ANKS1B: variants seen among roughly 807,000 people sequenced by gnomAD.
The protein encoded by ANKS1B is ankyrin repeat and sterile alpha motif domain-containing protein 1B.
A neutral mutation model predicts 148.3 loss-of-function variants in ANKS1B; 36 were observed. The observed-to-expected ratio is 0.24, with a 90% confidence interval of 0.19 to 0.32. ANKS1B has a LOEUF of 0.32. Among genes scored for constraint, ANKS1B ranks in the 10% least tolerant of loss-of-function variants. The pLI, the probability that ANKS1B is intolerant of heterozygous loss-of-function variation, is 1.00. For missense variants in ANKS1B, 1,157 were observed against 1,542.6 expected, an observed-to-expected ratio of 0.75 and a Z score of 4.19; for synonymous variants, 542 against 560.8, an observed-to-expected ratio of 0.97 and a Z score of 0.47.
chr12:99,980,116 T>C (rs1222800004), intron 1 of ANKS1B, among the ~76,000 whole-genome samples: 1 of 151,648 alleles, frequency 6.6e-6, no homozygotes, highest in Non-Finnish European at 1.5e-5. Flanking sequence ...ATCAACACTT[T>C]TAAAAGTACC....
chr12:99,915,108 C>G (rs1183347843), intron 1 of ANKS1B, among the ~76,000 whole-genome samples: 1 of 151,868 alleles, frequency 6.6e-6, no homozygotes, highest in Non-Finnish European at 1.5e-5. Context: ...GCCTGTAATC[C>G]TAGCTACTTG....
chr12:99,913,394 A>C (rs2153789077), intron 1 of ANKS1B, among the ~76,000 whole-genome samples: 1 of 152,348 alleles, frequency 6.6e-6, no homozygotes, highest in Non-Finnish European at 1.5e-5. Context: ...TAGTGAACAG[A>C]CATTTCCTCT....
intron 9 of ANKS1B, among the ~76,000 whole-genome samples, chr12:99,635,668 T>G (rs903937780): frequency 2.6e-5 from 4 of 152,138 alleles, no homozygotes; most frequent in Admixed American, 6.5e-5. Flanking sequence ...AAAAAAACTT[T>G]GGAGACTGAT....
chr12:98,823,357 G>A lies in ANKS1B; in HGVS notation c.3066+5817C>T, dbSNP rs994577499. 3.9e-5 allele frequency among the ~76,000 whole-genome samples: 6 copies of A among 152,190 alleles called. No individual in the cohort carries two copies. The East Asian group carries it at 9.6e-4, about 24-fold the overall frequency. On this transcript the variant is annotated intron_variant, in intron 19 of 26. Coordinates refer to ENST00000683438, the MANE Select transcript of ANKS1B (RefSeq NM_001352186.2). ...TCATGGAAGGAAATGTTGAAATCAT[G>A]GACAAGCTGAGCCTTTCTGAGTAGT...
intron 1 of ANKS1B, among the ~76,000 whole-genome samples, chr12:99,880,643 A>G (rs1015764526): frequency 6.6e-6 from 1 of 152,242 alleles, no homozygotes; most frequent in Non-Finnish European, 1.5e-5. Context: ...CATAATGAGT[A>G]AAGGACATAA....
At chr12:98,992,356 A>G (rs2099927118) in intron 17 of ANKS1B, among the ~76,000 whole-genome samples, 1 of 152,022 alleles carries the variant, frequency 6.6e-6, no homozygotes, top group Admixed American at 6.6e-5. Context: ...TCTCATCTCA[A>G]ATTTTAATCC....
chr12:99,132,542 G>C (rs944380455), intron 15 of ANKS1B, among the ~76,000 whole-genome samples: 10 of 151,918 alleles, frequency 6.6e-5, no homozygotes, highest in Non-Finnish European at 2.9e-5. Context: ...GATTACGTTA[G>C]GTATAAAACT....
chr12:99,700,516 T>G (rs1196479232), intron 8 of ANKS1B, among the ~76,000 whole-genome samples: 1 of 152,118 alleles, frequency 6.6e-6, no homozygotes, highest in Non-Finnish European at 1.5e-5. Flanking sequence ...CGAGCACGAA[T>G]TTTTTTTCCT....
At chr12:98,762,956 A>G (rs1354281143) in intron 25 of ANKS1B, among the ~76,000 whole-genome samples, 2 of 152,232 alleles carry the variant, frequency 1.3e-5, no homozygotes, top group Admixed American at 1.3e-4. Flanking sequence ...GGGAACTTGC[A>G]CCTTAAGGTT....
chr12:99,135,883 C>T (rs942359142), intron 15 of ANKS1B, among the ~76,000 whole-genome samples: 1 of 152,056 alleles, frequency 6.6e-6, no homozygotes, highest in East Asian at 1.9e-4. Flanking sequence ...AGAACAGGTC[C>T]AGCTTCGGAC....
At chr12:99,945,091 T>G (rs539833866) in intron 1 of ANKS1B, among the ~76,000 whole-genome samples, 63 of 152,284 alleles carry the variant, frequency 4.1e-4, no homozygotes, top group African/African-American at 1.3e-3. Context: ...AGGGTTTACA[T>G]TCCAGTTGGG....
intron 9 of ANKS1B, among the ~76,000 whole-genome samples, chr12:99,595,533 T>C (rs2097750512): frequency 6.6e-6 from 1 of 151,950 alleles, no homozygotes; most frequent in South Asian, 2.1e-4. Context: ...ATCTTATTAG[T>C]ATTAGTATGT....
At position 99,091,204 on chromosome 12, in the gene ANKS1B, A is replaced by G. The variant is rs11109723; in HGVS notation, c.2527-6181T>C. On this transcript the variant is annotated intron_variant, in intron 15 of 26. Transcript: ENST00000683438. The stretch of plus-strand genomic sequence containing the variant: ...TAATAAATTATATCTTAAGGTTAAG[A>G]TATAGTTTAGCATTATATATTTAAC... Among the ~76,000 whole-genome samples, 979 of 152,246 alleles carry G rather than the reference A, an allele frequency of 6.4e-3. 15 individuals carry two copies. Among genetic ancestry groups the G allele is most frequent in the African/African-American group, 0.023 (947 of 41,566 alleles).
At chr12:99,470,326 A>G (rs1032420462) in intron 10 of ANKS1B, among the ~76,000 whole-genome samples, 1 of 152,120 alleles carries the variant, frequency 6.6e-6, no homozygotes, top group Non-Finnish European at 1.5e-5. Context: ...CTGGTCTCAG[A>G]AGAACATAAT....
At chr12:98,879,841 C>G (rs1467410091) in intron 17 of ANKS1B, among the ~76,000 whole-genome samples, 2 of 152,108 alleles carry the variant, frequency 1.3e-5, no homozygotes, top group Non-Finnish European at 2.9e-5. Context: ...CACACATGCA[C>G]ACATATGATT....
intron 11 of ANKS1B, among the ~76,000 whole-genome samples, chr12:99,441,164 C>T (rs1468009145): frequency 6.6e-6 from 1 of 151,650 alleles, no homozygotes; most frequent in Non-Finnish European, 1.5e-5. Context: ...GAGAGAAAAC[C>T]AGAATTAACA....
chr12:99,539,741 T>G (rs559213442), intron 9 of ANKS1B, among the ~76,000 whole-genome samples: 1 of 152,268 alleles, frequency 6.6e-6, no homozygotes, highest in East Asian at 1.9e-4. Flanking sequence ...GTTTTGCTTT[T>G]TTGTTTTCTT....
At chr12:99,641,485 T>A (rs930946707) in intron 9 of ANKS1B, among the ~76,000 whole-genome samples, 1 of 152,302 alleles carries the variant, frequency 6.6e-6, no homozygotes, top group African/African-American at 2.4e-5. Flanking sequence ...GATGTTTATA[T>A]TGCTTACTGC....
chr12:99,473,897 T>C (rs189076095), intron 10 of ANKS1B, among the ~76,000 whole-genome samples: 1 of 152,230 alleles, frequency 6.6e-6, no homozygotes, highest in African/African-American at 2.4e-5. Context: ...AGCTTTAATG[T>C]AATCAATCCT....
Sources: gnomAD v4.1 joint callset for allele counts (sites outside exome capture counted in the v4.1 genomes callset) on GRCh38, gnomAD v4.1.1 for gene constraint, MANE v1.5 for transcripts, NCBI Gene and HGNC (gene_info 2026-07-23, HGNC 2026-07-21) for gene names.